The following PPP2R3A variants were observed in gnomAD, a reference collection of about 807,000 sequenced individuals.
PPP2R3A encodes serine/threonine-protein phosphatase 2A regulatory subunit B'' subunit alpha.
In PPP2R3A, 80 loss-of-function variants were observed where a neutral mutation model predicts 106.9. The ratio of observed to expected loss-of-function variants is 0.75; its 90% CI spans 0.62 to 0.90. PPP2R3A has a LOEUF of 0.90. Among genes scored for constraint, PPP2R3A ranks in the 40% least tolerant of loss-of-function variants. The probability of loss-of-function intolerance (pLI) is 0.00; values close to 1 mark genes in which losing one functional copy is unlikely to be tolerated. For synonymous variants in PPP2R3A, 483 were observed against 468.3 expected (o/e 1.03, Z -0.41); for missense variants, 1,386 against 1,350.4 (o/e 1.03, Z -0.41).
chr3:135,965,848 AG>A lies in PPP2R3A; in HGVS notation c.-441+1del, dbSNP rs1212534819. The A allele has an allele frequency of 6.6e-6, 1 of 151,062 alleles. No homozygotes were observed. Among genetic ancestry groups the A allele is most frequent in the Non-Finnish European group, 1.5e-5 (1 of 67,908 alleles). 9.4% of individuals were successfully genotyped at this position (151,062 alleles called of 1,614,324 possible). ...GCCGGAGGAGGAGCCGCGGGCAACG[AG>A]GTAGGCAAAGGAACACTGGCCGCAC... On this transcript the variant is annotated splice_region_variant and 5_prime_UTR_variant, in exon 1 of 14. Transcript: ENST00000264977.
chr3:136,005,402 T>A (rs1178442668), intron 2 of PPP2R3A, among the ~76,000 whole-genome samples: 1 of 152,210 alleles, frequency 6.6e-6, no homozygotes, highest in Non-Finnish European at 1.5e-5. Flanking sequence ...GTGGACTTTT[T>A]TAGTCACTAG....
chr3:136,087,243 GTGTCTC>G (rs1263572434), intron 8 of PPP2R3A, among the ~76,000 whole-genome samples: 20 of 75,054 alleles, frequency 2.7e-4, no homozygotes, highest in Non-Finnish European at 5.8e-4. Context: ...GTCTCTAGTC[GTGTCTC>G]TCTCTCTCTC....
At position 136,023,128 on chromosome 3, in the gene PPP2R3A, T is replaced by C. The variant is rs575078206; in HGVS notation, c.1996-3704T>C. On this transcript the variant is annotated intron_variant, in intron 2 of 13. Coordinates refer to ENST00000264977, the MANE Select transcript of PPP2R3A (RefSeq NM_002718.5). ...CCGGATTTAAGGGGAGAGCTAGCTT[T>C]CCTGGCAAGGGGCTGTGATTTTGTT... 12 of 1,613,562 alleles carry C rather than the reference T, an allele frequency of 7.4e-6. No individual in the cohort carries two copies. The South Asian group carries it at 9.9e-5, about 13-fold the overall frequency.
chr3:136,140,241 T>C (rs1354675174), intron 13 of PPP2R3A, among the ~76,000 whole-genome samples: 1 of 152,006 alleles, frequency 6.6e-6, no homozygotes, highest in Non-Finnish European at 1.5e-5. Context: ...CTCCACGTTC[T>C]CAAGAATTCC....
chr3:136,115,829 AT>A (rs1170936282), intron 13 of PPP2R3A, among the ~76,000 whole-genome samples: 1 of 152,138 alleles, frequency 6.6e-6, no homozygotes, highest in Non-Finnish European at 1.5e-5. Context: ...TCTTCAGGAT[AT>A]TATCCAGGAG....
At chr3:135,981,428 A>G (rs1042031428) in intron 1 of PPP2R3A, among the ~76,000 whole-genome samples, 1 of 151,860 alleles carries the variant, frequency 6.6e-6, no homozygotes, top group Admixed American at 6.5e-5. Flanking sequence ...ATGGTCAGTA[A>G]GGCCACTTTA....
At chr3:136,061,994 A>G (rs965201444) in intron 5 of PPP2R3A, among the ~76,000 whole-genome samples, 2 of 152,058 alleles carry the variant, frequency 1.3e-5, no homozygotes, top group African/African-American at 2.4e-5. Flanking sequence ...ATGCATAAAC[A>G]TGTCCTTGAA....
chr3:135,998,330 C>T (rs986611819), intron 1 of PPP2R3A, among the ~76,000 whole-genome samples: 3 of 152,174 alleles, frequency 2.0e-5, no homozygotes, highest in African/African-American at 7.2e-5. Context: ...TCAGATGCTC[C>T]CTCTCAAAAC....
intron 2 of PPP2R3A, among the ~76,000 whole-genome samples, chr3:136,026,236 C>A (rs1934650182): frequency 6.6e-6 from 1 of 152,028 alleles, no homozygotes; most frequent in Non-Finnish European, 1.5e-5. Context: ...TGGCGTGGCC[C>A]TAGTGGCAAA....
intron 4 of PPP2R3A, among the ~76,000 whole-genome samples, chr3:136,042,022 T>G (rs190481401): frequency 6.6e-6 from 1 of 152,220 alleles, no homozygotes; most frequent in South Asian, 2.1e-4. Context: ...CCTGGTAAAC[T>G]ATTGGGAAAT....
At chr3:135,982,315 G>C (rs1464884954) in intron 1 of PPP2R3A, among the ~76,000 whole-genome samples, 3 of 152,050 alleles carry the variant, frequency 2.0e-5, no homozygotes, top group Admixed American at 1.3e-4. Context: ...CTATATAATG[G>C]GTAATTAATA....
intron 12 of PPP2R3A, 144 bp from the exon 13 acceptor site, chr3:136,106,072 A>G (rs1309136499): frequency 3.0e-6 from 2 of 664,930 alleles, no homozygotes; most frequent in East Asian, 6.3e-5. Context: ...TAGGAGTTTT[A>G]CCTTAGCACC....
In PPP2R3A at chr3:136,147,311, CTA is replaced by C. The variant is rs1311234865; in HGVS notation, c.*2147_*2148del. ...CCCCAGGCTTCGAGGCTGCAGTGAGCTATGATTACGACACTGCACTCCAGCCT... is the reference window on the plus strand; with the variant it reads ...CCCCAGGCTTCGAGGCTGCAGTGAGCTGATTACGACACTGCACTCCAGCCT... On this transcript the variant is annotated 3_prime_UTR_variant, in exon 14 of 14. Coordinates refer to ENST00000264977, the MANE Select transcript of PPP2R3A (RefSeq NM_002718.5). 6.6e-6 allele frequency: 1 copy of C among 152,638 alleles called. No individual in the cohort carries two copies. The highest frequency in any genetic ancestry group is 2.4e-5 in the African/African-American group (1 of 41,444). 9.5% of individuals were successfully genotyped at this position (152,638 alleles called of 1,614,324 possible).
chr3:136,095,370 A>G (rs1231987427), intron 10 of PPP2R3A, among the ~76,000 whole-genome samples: 1 of 152,206 alleles, frequency 6.6e-6, no homozygotes, highest in African/African-American at 2.4e-5. Context: ...AACAGCTCAC[A>G]TATTGAGATT....
intron 2 of PPP2R3A, among the ~76,000 whole-genome samples, chr3:136,014,422 C>G (rs1183341581): frequency 6.6e-6 from 1 of 152,040 alleles, no homozygotes; most frequent in Non-Finnish European, 1.5e-5. Context: ...TGGTCATTTT[C>G]ACAATATTGA....
chr3:136,087,348 T>C (rs1191572212), intron 8 of PPP2R3A: 2 of 145,638 alleles, frequency 1.4e-5, no homozygotes, highest in Admixed American at 7.0e-5. Flanking sequence ...TAAAACTTCC[T>C]GATGGAATTT....
intron 13 of PPP2R3A, among the ~76,000 whole-genome samples, chr3:136,120,266 C>G (rs996796674): frequency 2.0e-5 from 3 of 151,994 alleles, no homozygotes; most frequent in African/African-American, 7.3e-5. Flanking sequence ...TGTACATGTA[C>G]CCCAGAACTT....
chr3:136,126,138 G>T (rs1231623359), intron 13 of PPP2R3A, among the ~76,000 whole-genome samples: 1 of 152,230 alleles, frequency 6.6e-6, no homozygotes, highest in Non-Finnish European at 1.5e-5. Context: ...ATTGGGACTG[G>T]TTGGACAGTG....
intron 3 of PPP2R3A, among the ~76,000 whole-genome samples, chr3:136,037,125 T>C (rs1935110970): frequency 1.3e-5 from 2 of 152,242 alleles, no homozygotes; most frequent in South Asian, 2.1e-4. Flanking sequence ...AGTTTGCCGC[T>C]TACTCTTAGT....
Sources: allele counts gnomAD v4.1 joint callset (sites outside exome capture counted in the v4.1 genomes callset), GRCh38; gene constraint gnomAD v4.1.1; transcripts MANE v1.5; gene names NCBI Gene and HGNC (gene_info 2026-07-23, HGNC 2026-07-21).